The following ACP6 variants were observed in gnomAD, a reference collection of about 807,000 sequenced individuals.
The protein encoded by ACP6 is acid phosphatase 6, lysophosphatidic, also known as lysophosphatidic acid phosphatase type 6.
A neutral mutation model predicts 48.1 loss-of-function variants in ACP6; 48 were observed. The ratio of observed to expected loss-of-function variants is 1.00; its 90% CI spans 0.79 to 1.27. The LOEUF (loss-of-function observed/expected upper bound fraction) is 1.27. Among genes scored for constraint, ACP6 ranks in the 50% most tolerant of loss-of-function variants. The pLI, the probability that ACP6 is intolerant of heterozygous loss-of-function variation, is 0.00. For missense variants in ACP6, 485 were observed against 529.1 expected, an observed-to-expected ratio of 0.92 and a Z score of 0.82; for synonymous variants, 172 against 204.2, an observed-to-expected ratio of 0.84 and a Z score of 1.34.
chr1:147,637,913 T>G (rs1553208244), downstream of ACP6, among the ~76,000 whole-genome samples: 2 of 152,250 alleles, frequency 1.3e-5, no homozygotes, highest in Admixed American at 1.3e-4. Context: ...GTCTGCACCC[T>G]GTATCTTTAC....
chr1:147,655,298 TC>T, intron 4 of ACP6, 50 bp from the exon 5 acceptor site: 1 of 1,301,370 alleles, frequency 7.7e-7, no homozygotes, highest in South Asian at 1.3e-5. Context: ...AGCTTGTTCT[TC>T]CCAGCATCTC....
chr1:147,631,427 T>C (rs1157327460), intron 5 of ACP6, among the ~76,000 whole-genome samples: 1 of 152,228 alleles, frequency 6.6e-6, no homozygotes, highest in Non-Finnish European at 1.5e-5. Context: ...TTACTATCTT[T>C]CACCTCATTT....
At chr1:147,639,013 C>A (rs1056705152), downstream of ACP6, among the ~76,000 whole-genome samples, 4 of 152,098 alleles carry the variant, frequency 2.6e-5, no homozygotes, top group African/African-American at 9.7e-5. Flanking sequence ...CTTGCCACCA[C>A]GTAAAGCTGA....
chr1:147,632,373 G>A (rs1259482976), intron 5 of ACP6, among the ~76,000 whole-genome samples: 1 of 152,124 alleles, frequency 6.6e-6, no homozygotes, highest in Admixed American at 6.5e-5. Context: ...TCAAAGATCA[G>A]TAAATAGCTG....
intron 1 of ACP6, among the ~76,000 whole-genome samples, chr1:147,669,271 C>CA (rs1412424454): frequency 0.99 from 149,290 of 150,802 alleles, 73,907 homozygotes; most frequent in East Asian, 1. Context: ...ACACTTGTTA[C>CA]AAAAAAAAAC....
rs1228740269 is a variant in ACP6, at chr1:147,654,287, T to C, written c.687A>G (p.Ser229=). ...TGTCCTTCACCTTTTTCAAATCCTC[T>C]GAGATTCCTGGCTGTAAAGAGGCAG... ...RQTASLQPGI[S]EDLKKVKDRM... The change falls in exon 6 of 10, where the codon TCA becomes TCG. Residue 229 remains serine, a synonymous_variant. Transcript: ENST00000583509. The C allele has an allele frequency of 1.9e-6, 3 of 1,614,002 alleles. No individual in the cohort carries two copies. Among genetic ancestry groups the C allele is most frequent in the Non-Finnish European group, 8.5e-7 (1 of 1,179,990 alleles).
At chr1:147,638,546 C>T (rs1659359557), downstream of ACP6, among the ~76,000 whole-genome samples, 1 of 152,106 alleles carries the variant, frequency 6.6e-6, no homozygotes, top group Non-Finnish European at 1.5e-5. Context: ...AAGAGGCAGC[C>T]AACTCCTTGA....
chr1:147,641,267 G>A (rs1659443229), downstream of ACP6, among the ~76,000 whole-genome samples: 1 of 152,168 alleles, frequency 6.6e-6, no homozygotes, highest in Non-Finnish European at 1.5e-5. Flanking sequence ...AGGGGAGGGT[G>A]GGACGGGAAC....
At chr1:147,637,966 C>T (rs1553208246), downstream of ACP6, among the ~76,000 whole-genome samples, 1 of 152,192 alleles carries the variant, frequency 6.6e-6, no homozygotes, top group African/African-American at 2.4e-5. Flanking sequence ...ACGTGTCCAA[C>T]AGGGCAAAGG....
chr1:147,635,601 T>A (rs1553207894), intron 5 of ACP6, among the ~76,000 whole-genome samples: 5 of 152,078 alleles, frequency 3.3e-5, no homozygotes. Context: ...CTTGTTGGGG[T>A]TGAGGGAGTG....
intron 8 of ACP6, among the ~76,000 whole-genome samples, chr1:147,649,277 A>G (rs985353633): frequency 2.0e-5 from 3 of 152,176 alleles, no homozygotes; most frequent in Admixed American, 6.5e-5. Flanking sequence ...ATGCTGATTT[A>G]GTAGATCAGG....
downstream of ACP6, chr1:147,642,171 C>T (rs1553208834): frequency 1.3e-5 from 2 of 152,136 alleles, no homozygotes; most frequent in Non-Finnish European, 1.5e-5. Context: ...CTCCATGCTT[C>T]CCCCTGGTGG....
chr1:147,669,790 G>C (rs1557897550), intron 1 of ACP6, 40 bp downstream of exon 1: 1 of 1,524,236 alleles, frequency 6.6e-7, no homozygotes, highest in Admixed American at 1.9e-5. Context: ...CTGGCACACG[G>C]TCCTCGCCCC....
intron 5 of ACP6, among the ~76,000 whole-genome samples, chr1:147,633,668 A>G (rs1325554412): frequency 2.6e-5 from 4 of 152,180 alleles, no homozygotes; most frequent in Admixed American, 6.5e-5. Flanking sequence ...TTTAATTTCA[A>G]TATTCATTCT....
In ACP6 at chr1:147,670,136, C is replaced by G. The variant is rs1661022623; in HGVS notation, c.-88G>C. The stretch of plus-strand genomic sequence containing the variant: ...GGCGCCGGGGCTCAGCGGGCGCCCC[C>G]AAGTCCGCGGGAACCTGCGGATGCG... On this transcript the variant is annotated 5_prime_UTR_variant, in exon 1 of 10. Transcript: ENST00000583509. 1.5e-6 allele frequency: 2 copies of G among 1,302,814 alleles called. No homozygotes were observed. Among genetic ancestry groups the G allele is most frequent in the South Asian group, 3.1e-5 (2 of 64,202 alleles). The allele number at this position is 1,302,814 out of a possible 1,614,324, so 80.7% of individuals were successfully genotyped here.
At chr1:147,668,578 T>C (rs954039744) in intron 1 of ACP6, among the ~76,000 whole-genome samples, 2 of 151,806 alleles carry the variant, frequency 1.3e-5, no homozygotes, top group African/African-American at 2.4e-5. Flanking sequence ...TAGAGAAGAA[T>C]TGGGGGAAGG....
At chr1:147,637,024 G>A (rs1210010623) in intron 5 of ACP6, among the ~76,000 whole-genome samples, 1 of 152,140 alleles carries the variant, frequency 6.6e-6, no homozygotes, top group Non-Finnish European at 1.5e-5. Flanking sequence ...CCCAAGGTGG[G>A]GATAACAGCA....
chr1:147,629,791 G>A (rs1659112867), exon 6 of ACP6: 1 of 152,140 alleles, frequency 6.6e-6, no homozygotes, highest in African/African-American at 2.4e-5. Context: ...ATGCTATAAG[G>A]ATTGTAATAA....
In ACP6 at chr1:147,648,241, A is replaced by G; in HGVS notation, c.1143+5T>C. On this transcript the variant is annotated splice_donor_5th_base_variant and intron_variant, in intron 9 of 9. Coordinates refer to ENST00000583509, the MANE Select transcript of ACP6 (RefSeq NM_016361.5). The stretch of plus-strand genomic sequence containing the variant: ...CACCACCCAACCCCACCTCAGGGGT[A>G]TTACCTTCCCGTGGTAATAGAGCTG... 1 of 1,614,038 alleles carries G rather than the reference A, an allele frequency of 6.2e-7. No individual in the cohort carries two copies. Among genetic ancestry groups the G allele is most frequent in the Non-Finnish European group, 8.5e-7 (1 of 1,179,958 alleles).
Sources: allele counts gnomAD v4.1 joint callset (sites outside exome capture counted in the v4.1 genomes callset), GRCh38; gene constraint gnomAD v4.1.1; transcripts MANE v1.5; gene names NCBI Gene and HGNC (gene_info 2026-07-23, HGNC 2026-07-21).